The following KCNQ1 variants were observed in gnomAD, a reference collection of about 807,000 sequenced individuals.
KCNQ1 encodes potassium voltage-gated channel subfamily KQT member 1.
In KCNQ1, 49 loss-of-function variants were observed where a neutral mutation model predicts 72.4. That is an observed-to-expected ratio of 0.68 (90% CI 0.54 to 0.86). The LOEUF (loss-of-function observed/expected upper bound fraction) is 0.86. KCNQ1 is among the 40% of genes least tolerant of loss of function. The pLI, the probability that KCNQ1 is intolerant of heterozygous loss-of-function variation, is 0.00. For missense variants in KCNQ1, 790 were observed against 945.1 expected, an observed-to-expected ratio of 0.84 and a Z score of 2.15; for synonymous variants, 450 against 412.6, an observed-to-expected ratio of 1.09 and a Z score of -1.10.
At chr11:2,796,583 C>T (rs529957264) in intron 15 of KCNQ1, among the ~76,000 whole-genome samples, 4 of 152,372 alleles carry the variant, frequency 2.6e-5, no homozygotes, top group South Asian at 4.1e-4. Flanking sequence ...GGAAGGAAAA[C>T]GTGCCCCGAA....
In KCNQ1 at chr11:2,526,730, G is replaced by A. The variant is rs374385124; in HGVS notation, c.387-1198G>A. Among the ~76,000 whole-genome samples the A allele has an allele frequency of 3.3e-5, 5 of 152,210 alleles. No individual in the cohort carries two copies. In the South Asian group the frequency reaches 8.3e-4, roughly 25 times the overall value. On this transcript the variant is annotated intron_variant, in intron 1 of 15. Transcript: ENST00000155840. This position sits in a 1 kb window ranked among gnomAD's most constrained non-coding sequence, Gnocchi z 6.1. ...AGGTGGAAGAGGATGGGTTCTGGGT[G>A]GGGCTGACTTCAGGAGGCTGGATGA...
In KCNQ1 at chr11:2,807,368, G is replaced by A. The variant is rs187777016; in HGVS notation, c.1794+29331G>A. ...ATGAAAAGCCCCCGCTTTGATGTCC[G>A]GGACCAGATAAGGCCGGGAGGGGAC... On this transcript the variant is annotated intron_variant, in intron 15 of 15. Transcript: ENST00000155840. Among the ~76,000 whole-genome samples, 246 of 152,240 alleles carry A rather than the reference G, an allele frequency of 1.6e-3. 2 individuals are homozygous for A. The highest frequency in any genetic ancestry group is 5.8e-3 in the African/African-American group (239 of 41,536).
intron 1 of KCNQ1, among the ~76,000 whole-genome samples, chr11:2,520,736 A>G (rs945175794): frequency 3.9e-5 from 6 of 152,004 alleles, no homozygotes; most frequent in Non-Finnish European, 5.9e-5. Context: ...TCCAGCGCCC[A>G]GTGTTTCCTT....
intron 7 of KCNQ1, 88 bp downstream of exon 7, chr11:2,583,633 A>G (rs1283778719): frequency 2.3e-6 from 2 of 888,428 alleles, no homozygotes; most frequent in Non-Finnish European, 3.8e-6. Flanking sequence ...GAGCAGACCC[A>G]CTTACGTTCA....
chr11:2,628,393 T>C (rs892616747), intron 10 of KCNQ1: 2 of 398,414 alleles, frequency 5.0e-6, no homozygotes, highest in African/African-American at 4.1e-5. Flanking sequence ...ATAAGTGATG[T>C]TAAGCACCTT....
chr11:2,751,846 G>A (rs1341711523), intron 11 of KCNQ1, among the ~76,000 whole-genome samples: 1 of 152,256 alleles, frequency 6.6e-6, no homozygotes, highest in Admixed American at 6.5e-5. Context: ...GGGCAAAATG[G>A]CACTTGCAGA....
At position 2,676,244 on chromosome 11, in the gene KCNQ1, C is replaced by T; in HGVS notation, c.1514+14163C>T. 2.5e-6 allele frequency: 1 copy of T among 398,644 alleles called. No individual in the cohort carries two copies. The highest frequency in any genetic ancestry group is 4.4e-6 in the Non-Finnish European group (1 of 226,066). The allele number at this position is 398,644 out of a possible 1,614,324, so 24.7% of individuals were successfully genotyped here. A position where few individuals can be genotyped will look rare whatever the true frequency, so the allele number is the denominator to read the frequency against. ...AATGCTGATTTATTATGGTGCAGTA[C>T]ATCTGAGAAGCATTTTTATTGCAAA... On this transcript the variant is annotated intron_variant, in intron 11 of 15. Coordinates refer to ENST00000155840, the MANE Select transcript of KCNQ1 (RefSeq NM_000218.3). The surrounding 1 kb of genome is among the most constrained non-coding windows in gnomAD (Gnocchi z 4.2).
chr11:2,496,978 T>C (rs1846933842), intron 1 of KCNQ1, among the ~76,000 whole-genome samples: 1 of 152,206 alleles, frequency 6.6e-6, no homozygotes, highest in Non-Finnish European at 1.5e-5. Flanking sequence ...TCTTTATGAA[T>C]GTTGAATATT....
intron 2 of KCNQ1, among the ~76,000 whole-genome samples, chr11:2,533,591 T>C (rs1847677522): frequency 6.6e-6 from 1 of 152,236 alleles, no homozygotes; most frequent in Non-Finnish European, 1.5e-5. Flanking sequence ...GGTAGCTCCG[T>C]GCGCACATGC....
In KCNQ1 at chr11:2,677,653, T is replaced by G. The variant is rs1564855142; in HGVS notation, c.1514+15572T>G. 5 of 398,500 alleles carry G rather than the reference T, an allele frequency of 1.3e-5. No homozygotes were observed. The allele number at this position is 398,500 out of a possible 1,614,324, so 24.7% of individuals were successfully genotyped here. The stretch of plus-strand genomic sequence containing the variant: ...TAATTGTAACTCTAACAACTGTTAT[T>G]GCATATGAGATAAAATAATATTTTA... On this transcript the variant is annotated intron_variant, in intron 11 of 15. Coordinates refer to ENST00000155840, the MANE Select transcript of KCNQ1 (RefSeq NM_000218.3). The surrounding 1 kb of genome is among the most constrained non-coding windows in gnomAD (Gnocchi z 4.5).
At chr11:2,667,668 C>T in intron 11 of KCNQ1, 2 of 398,678 alleles carry the variant, frequency 5.0e-6, no homozygotes, top group Middle Eastern at 6.3e-4. Flanking sequence ...ACTGCAGAGC[C>T]TCTGGAGGCT....
rs1393890715 is a variant in KCNQ1, at chr11:2,772,268, C to T, written c.1590+3349C>T. Among the ~76,000 whole-genome samples, 2 of 152,084 alleles carry T rather than the reference C, an allele frequency of 1.3e-5. No individual in the cohort carries two copies. The highest frequency in any genetic ancestry group is 2.9e-5 in the Non-Finnish European group (2 of 67,994). On this transcript the variant is annotated intron_variant, in intron 12 of 15. Transcript: ENST00000155840. This position sits in a 1 kb window ranked among gnomAD's most constrained non-coding sequence, Gnocchi z 6.6. Reference sequence around the variant, plus strand: ...CCCCGCTGGCCTCAGGGGCTGCTGACATGGCAGGTGACCCCTCTGCCTACC... The same window carrying T: ...CCCCGCTGGCCTCAGGGGCTGCTGATATGGCAGGTGACCCCTCTGCCTACC...
At chr11:2,726,277 A>G (rs891606016) in intron 11 of KCNQ1, among the ~76,000 whole-genome samples, 1 of 152,238 alleles carries the variant, frequency 6.6e-6, no homozygotes, top group Non-Finnish European at 1.5e-5. Flanking sequence ...GGGAGTCTTC[A>G]TGAAGGAGTG....
At chr11:2,847,234 C>A (rs1052051989) in intron 15 of KCNQ1, among the ~76,000 whole-genome samples, 3 of 152,200 alleles carry the variant, frequency 2.0e-5, no homozygotes, top group Admixed American at 2.0e-4. Context: ...TCCTCAACCA[C>A]CCCAGGCCCT....
chr11:2,691,019 C>T lies in KCNQ1; in HGVS notation c.1514+28938C>T, dbSNP rs1850579384. The T allele has an allele frequency of 2.5e-6, 1 of 398,658 alleles. No individual in the cohort carries two copies. The highest frequency in any genetic ancestry group is 4.4e-6 in the Non-Finnish European group (1 of 226,076). The allele number at this position is 398,658 out of a possible 1,614,324, so 24.7% of individuals were successfully genotyped here. On this transcript the variant is annotated intron_variant, in intron 11 of 15. Coordinates refer to ENST00000155840, the MANE Select transcript of KCNQ1 (RefSeq NM_000218.3). This position sits in a 1 kb window ranked among gnomAD's most constrained non-coding sequence, Gnocchi z 6.4. ...GAAGTGGGCAAAAGCTCTGGGTGAA[C>T]TCTTGGCTCAGGTATCAGGATATGC... is the stretch of plus-strand genomic sequence containing the variant.
chr11:2,635,789 A>C (rs1486778056), intron 10 of KCNQ1: 3 of 152,162 alleles, frequency 2.0e-5, no homozygotes, highest in Non-Finnish European at 4.4e-5. Flanking sequence ...GGCCATTTTC[A>C]TGATACTGAT....
rs940335869 is a variant in KCNQ1, at chr11:2,549,632, G to A, written c.478-20996G>A. Among the ~76,000 whole-genome samples the A allele has an allele frequency of 1.7e-4, 26 of 152,060 alleles. No homozygotes were observed. Among genetic ancestry groups the A allele is most frequent in the Middle Eastern group, 3.2e-3 (1 of 316 alleles). On this transcript the variant is annotated intron_variant, in intron 2 of 15. Transcript: ENST00000155840. This position sits in a 1 kb window ranked among gnomAD's most constrained non-coding sequence, Gnocchi z 6.2. ...ACTGCTCTGCGAGGCCCGGGGTAGGGGCGTGGGGGGGCCTCCTCCTCCCAA... is the reference window on the plus strand; with the variant it reads ...ACTGCTCTGCGAGGCCCGGGGTAGGAGCGTGGGGGGGCCTCCTCCTCCCAA...
intron 6 of KCNQ1, among the ~76,000 whole-genome samples, chr11:2,575,050 A>C (rs1216515193): frequency 6.6e-6 from 1 of 152,138 alleles, no homozygotes; most frequent in Non-Finnish European, 1.5e-5. Context: ...GGTGCAGCAA[A>C]AGCCAGTGGG....
intron 15 of KCNQ1, among the ~76,000 whole-genome samples, chr11:2,798,483 G>A (rs926191350): frequency 1.3e-5 from 2 of 151,928 alleles, no homozygotes; most frequent in Non-Finnish European, 2.9e-5. Flanking sequence ...AGAGGGGTTT[G>A]CGGCAGCAGC....
Sources: gnomAD v4.1 joint callset for allele counts (sites outside exome capture counted in the v4.1 genomes callset) on GRCh38, gnomAD v4.1.1 for gene constraint, Gnocchi (gnomAD v3.1) non-coding constraint, MANE v1.5 for transcripts, NCBI Gene and HGNC (gene_info 2026-07-23, HGNC 2026-07-21) for gene names.